The following NCOA1 variants were observed in gnomAD, a reference collection of about 807,000 sequenced individuals.
NCOA1 encodes the protein nuclear receptor coactivator 1, also known as Hin-2 protein.
In NCOA1, 35 loss-of-function variants were observed where a neutral mutation model predicts 150.9. That is an observed-to-expected ratio of 0.23 (90% confidence interval 0.18 to 0.31). The LOEUF (loss-of-function observed/expected upper bound fraction) is 0.31. Among genes scored for constraint, NCOA1 ranks in the 10% least tolerant of loss-of-function variants. The probability of loss-of-function intolerance (pLI) is 1.00; values close to 1 mark genes in which losing one functional copy is unlikely to be tolerated. For synonymous variants in NCOA1, 590 were observed against 630.0 expected (o/e 0.94, Z 0.95); for missense variants, 1,491 against 1,749.3 (o/e 0.85, Z 2.63).
intron 7 of NCOA1, among the ~76,000 whole-genome samples, chr2:24,675,576 A>T (rs1412229376): frequency 1.3e-5 from 2 of 152,172 alleles, no homozygotes; most frequent in Non-Finnish European, 2.9e-5. Context: ...AGGGGAAAAG[A>T]TGATCGTAGT....
intron 17 of NCOA1, among the ~76,000 whole-genome samples, chr2:24,732,303 A>G (rs1415805779): frequency 1.3e-5 from 2 of 150,886 alleles, no homozygotes; most frequent in South Asian, 2.1e-4. Context: ...CTAACAGAGT[A>G]AAGTATCCAC....
At chr2:24,742,232 C>G (rs1663641581) in intron 19 of NCOA1, 46 bp downstream of exon 19, 1 of 1,541,222 alleles carries the variant, frequency 6.5e-7, no homozygotes, top group Non-Finnish European at 8.8e-7. Flanking sequence ...TCCATACAGG[C>G]TTAGGTCTCT....
chr2:24,492,965 C>CAAAAAAAA (rs10630950), intron 1 of NCOA1, among the ~76,000 whole-genome samples: 6,837 of 144,950 alleles, frequency 0.047, 207 homozygotes, highest in East Asian at 0.18. Flanking sequence ...AGGCTAGTCT[C>CAAAAAAAA]AAAAAAAAAG....
Position 24,707,445 on chromosome 2 carries a change from T to A in NCOA1, c.1975T>A (p.Ser659Thr). The change falls in exon 13 of 23, where the codon TCT becomes ACT. Residue 659 changes from serine (S) to threonine (T), a missense_variant. This residue lies in a region of NCOA1 where 703 missense variants were observed against 717.7 expected (regional missense o/e 0.98). Coordinates refer to ENST00000348332, the MANE Select transcript of NCOA1 (RefSeq NM_003743.5). Reference protein sequence around the residue: ...DIDTSCKDVLSCTGTSNSASA... With the variant: ...DIDTSCKDVLTCTGTSNSASA... ...AGACACAAGCTGCAAAGATGTCCTG[T>A]CTTGCACAGGCACTTCCAACTCTGC... 6.2e-7 allele frequency: 1 copy of A among 1,614,238 alleles called. No individual in the cohort carries two copies. Among genetic ancestry groups the A allele is most frequent in the Non-Finnish European group, 8.5e-7 (1 of 1,180,030 alleles).
At chr2:24,526,502 T>C (rs1288560299) in intron 1 of NCOA1, among the ~76,000 whole-genome samples, 1 of 148,842 alleles carries the variant, frequency 6.7e-6, no homozygotes. Flanking sequence ...TGGACTATTG[T>C]CTCGACCTTT....
chr2:24,493,810 G>C (rs967636592), intron 1 of NCOA1, among the ~76,000 whole-genome samples: 1 of 152,200 alleles, frequency 6.6e-6, no homozygotes, highest in Non-Finnish European at 1.5e-5. Context: ...GAAGCTGTAA[G>C]GGTAGCATGA....
At chr2:24,628,215 G>A (rs919768052) in intron 3 of NCOA1, among the ~76,000 whole-genome samples, 11 of 151,716 alleles carry the variant, frequency 7.3e-5, no homozygotes, top group African/African-American at 2.7e-4. Context: ...CAGGAGAATT[G>A]CTTGAACCTG....
At chr2:24,604,908 T>G (rs1386623599) in intron 3 of NCOA1, among the ~76,000 whole-genome samples, 1 of 152,218 alleles carries the variant, frequency 6.6e-6, no homozygotes, top group African/African-American at 2.4e-5. Context: ...TTTCTAGCTT[T>G]TGATTTAAAG....
Position 24,516,998 on chromosome 2 carries a change from ACG to A in NCOA1, c.-396+25402_-396+25403del, listed in dbSNP as rs765324594. ...TACACATATACGTATATATATACAC[ACG>A]CGCGCACACACACACACACACACAC... On this transcript the variant is annotated intron_variant, in intron 1 of 22. Transcript: ENST00000348332. Among the ~76,000 whole-genome samples the A allele has an allele frequency of 1.4e-3, 86 of 62,648 alleles. 1 individual carries two copies. Among genetic ancestry groups the A allele is most frequent in the African/African-American group, 2.9e-3 (72 of 25,236 alleles). The allele number at this position is 62,648 out of a possible 152,430, so 41.1% of individuals were successfully genotyped here. A position where few individuals can be genotyped will look rare whatever the true frequency, so the allele number is the denominator to read the frequency against.
chr2:24,501,301 T>C (rs1004245602), intron 1 of NCOA1, among the ~76,000 whole-genome samples: 1 of 152,196 alleles, frequency 6.6e-6, no homozygotes, highest in Non-Finnish European at 1.5e-5. Flanking sequence ...AATAGTTATA[T>C]CTCATAAAAA....
At chr2:24,558,851 C>T (rs72805219) in intron 1 of NCOA1, among the ~76,000 whole-genome samples, 371 of 152,174 alleles carry the variant, frequency 2.4e-3, no homozygotes, top group Non-Finnish European at 3.9e-3. Context: ...CTGATTGGAT[C>T]CTGTCTTGGG....
Position 24,697,700 on chromosome 2 carries a change from G to A in NCOA1, c.851G>A (p.Gly284Asp). 6.2e-7 allele frequency: 1 copy of A among 1,613,166 alleles called. No homozygotes were observed. Among genetic ancestry groups the A allele is most frequent in the Non-Finnish European group, 8.5e-7 (1 of 1,179,212 alleles). The change falls in exon 11 of 23, where the codon GGC becomes GAC. Residue 284 changes from glycine (G) to aspartate (D), a missense_variant. Gly to Asp is a moderately conservative substitution (Grantham distance 94). This residue lies in a region of NCOA1 where 25 missense variants were observed against 66.1 expected (regional missense o/e 0.38). Coordinates refer to ENST00000348332, the MANE Select transcript of NCOA1 (RefSeq NM_003743.5). ...SIDTSSLRAA[G>D]RTGWEDLVRK... is the part of the protein sequence containing the mutation. ...GATACTAGTTCCCTGAGAGCTGCTG[G>A]CAGAACTGGTTGGGAAGATTTAGTG...
intron 5 of NCOA1, among the ~76,000 whole-genome samples, chr2:24,663,791 G>A (rs1182541265): frequency 6.6e-6 from 1 of 152,096 alleles, no homozygotes; most frequent in Non-Finnish European, 1.5e-5. Flanking sequence ...TAGACACCTT[G>A]CCAGTTCATT....
intron 11 of NCOA1, 75 bp downstream of exon 11, chr2:24,697,873 T>C (rs550800906): frequency 9.3e-6 from 13 of 1,394,686 alleles, no homozygotes; most frequent in African/African-American, 2.9e-5. Context: ...ATAGAACTTA[T>C]GGCTTGATAA....
At chr2:24,646,423 A>G (rs2148468069) in intron 4 of NCOA1, among the ~76,000 whole-genome samples, 1 of 152,312 alleles carries the variant, frequency 6.6e-6, no homozygotes. Context: ...TATTGCTGTT[A>G]TCTAATATAT....
intron 4 of NCOA1, among the ~76,000 whole-genome samples, chr2:24,645,184 T>A (rs1670411095): frequency 6.6e-6 from 1 of 152,080 alleles, no homozygotes; most frequent in Non-Finnish European, 1.5e-5. Flanking sequence ...TTACTATCTC[T>A]GCCTCTTTAA....
intron 2 of NCOA1, among the ~76,000 whole-genome samples, chr2:24,579,798 A>G (rs1461198020): frequency 6.6e-6 from 1 of 152,242 alleles, no homozygotes; most frequent in Non-Finnish European, 1.5e-5. Flanking sequence ...AGAGTGAACC[A>G]GGAGTAGACT....
At chr2:24,518,062 G>C (rs1324492827) in intron 1 of NCOA1, among the ~76,000 whole-genome samples, 1 of 151,940 alleles carries the variant, frequency 6.6e-6, no homozygotes, top group Non-Finnish European at 1.5e-5. Flanking sequence ...ACCATTTATT[G>C]AGTGAACATA....
At position 24,769,218 on chromosome 2, in the gene NCOA1, TTAAAA is replaced by T. The variant is rs1665214705; in HGVS notation, c.*834_*838del. On this transcript the variant is annotated 3_prime_UTR_variant, in exon 23 of 23. Coordinates refer to ENST00000348332, the MANE Select transcript of NCOA1 (RefSeq NM_003743.5). ...TAACAGCTGAGGTAGCTAAAGTTATTTAAAATAAAATTAAATTTATGATCCAAGTA... is the reference window on the plus strand; with the variant it reads ...TAACAGCTGAGGTAGCTAAAGTTATTTAAAATTAAATTTATGATCCAAGTA... 1 of 191,322 alleles carries T rather than the reference TTAAAA, an allele frequency of 5.2e-6. No homozygotes were observed. The highest frequency in any genetic ancestry group is 2.3e-5 in the African/African-American group (1 of 43,018). The allele number at this position is 191,322 out of a possible 1,614,324, so 11.9% of individuals were successfully genotyped here. A position where few individuals can be genotyped will look rare whatever the true frequency, so the allele number is the denominator to read the frequency against.
Sources: allele counts gnomAD v4.1 joint callset (sites outside exome capture counted in the v4.1 genomes callset), GRCh38; gene constraint gnomAD v4.1.1; regional missense constraint gnomAD v4.1.1; transcripts MANE v1.5; gene names NCBI Gene and HGNC (gene_info 2026-07-23, HGNC 2026-07-21).